The following STRA8 variants were observed in gnomAD, a reference collection of about 807,000 sequenced individuals.
STRA8 encodes stimulated by retinoic acid 8, also known as stimulated by retinoic acid gene 8 protein homolog.
In STRA8, 18 loss-of-function variants were observed where a neutral mutation model predicts 37.1. That is an observed-to-expected ratio of 0.48 (90% CI 0.34 to 0.72). STRA8 has a LOEUF of 0.72. STRA8 is among the 30% of genes least tolerant of loss of function. The pLI, the probability that STRA8 is intolerant of heterozygous loss-of-function variation, is 0.01. For synonymous variants in STRA8, 168 were observed against 162.9 expected (o/e 1.03, Z -0.24); for missense variants, 357 against 410.4 (o/e 0.87, Z 1.13).
chr7:135,233,029 A>G (rs1832316345), upstream of STRA8, among the ~76,000 whole-genome samples: 1 of 152,182 alleles, frequency 6.6e-6, no homozygotes, highest in Non-Finnish European at 1.5e-5. Flanking sequence ...GGGCCTCGCT[A>G]GTACCCCCAC....
At chr7:135,251,913 G>A in intron 7 of STRA8, 44 bp downstream of exon 7, 1 of 1,585,266 alleles carries the variant, frequency 6.3e-7, no homozygotes. Context: ...TGTGTGGGTG[G>A]ATGTGAGATT....
rs79458889 is a variant in STRA8, at chr7:135,248,219, G to T, written c.879+1517G>T. On this transcript the variant is annotated intron_variant, in intron 6 of 8. Coordinates refer to ENST00000662584, the MANE Select transcript of STRA8 (RefSeq NM_001394401.1). ...AACGACAGAGATGTCACCCATTCCT[G>T]TCCTTCCAGTTTGCAGGCCTAACCA... is the stretch of plus-strand genomic sequence containing the variant. Among the ~76,000 whole-genome samples the T allele has an allele frequency of 0.017, 2,603 of 152,308 alleles. 272 individuals carry two copies. The East Asian group carries it at 0.31, about 18-fold the overall frequency.
chr7:135,253,051 C>T, intron 7 of STRA8, among the ~76,000 whole-genome samples: 1 of 152,180 alleles, frequency 6.6e-6, no homozygotes, highest in East Asian at 1.9e-4. Context: ...TCTCCTGCCT[C>T]AGCCTGCCGA....
At chr7:135,235,671 A>T (rs1051580750) in intron 1 of STRA8, among the ~76,000 whole-genome samples, 1 of 152,130 alleles carries the variant, frequency 6.6e-6, no homozygotes, top group Admixed American at 6.5e-5. Context: ...TGAACTCCTT[A>T]CCTCAGGTGA....
chr7:135,258,424 T>C lies in STRA8; in HGVS notation c.1072T>C (p.Ser358Pro). 2 of 1,603,452 alleles carry C rather than the reference T, an allele frequency of 1.2e-6. No individual in the cohort carries two copies. Among genetic ancestry groups the C allele is most frequent in the Admixed American group, 1.7e-5 (1 of 58,786 alleles). Residue 358 changes from serine (S) to proline (P), a missense_variant, in exon 9 of 9, where the codon TCC becomes CCC. Transcript: ENST00000662584. ...CANTQVKQEA[S>P]FPVDEEMIML... is the part of the protein sequence containing the mutation. ...TCCACCCTGTGTCTTGCAGGAAGCA[T>C]CCTTTCCCGTTGATGAAGAGATGAT...
chr7:135,257,624 G>A (rs527791901), intron 8 of STRA8, among the ~76,000 whole-genome samples: 4 of 151,766 alleles, frequency 2.6e-5, no homozygotes, highest in Non-Finnish European at 4.4e-5. Context: ...ACAGCATTTC[G>A]CCATGTTGGC....
intron 2 of STRA8, among the ~76,000 whole-genome samples, chr7:135,241,786 C>T (rs1585470611): frequency 6.6e-6 from 1 of 152,166 alleles, no homozygotes; most frequent in Admixed American, 6.5e-5. Flanking sequence ...TGTCAGAGGT[C>T]AGCACCCTGA....
intron 8 of STRA8, among the ~76,000 whole-genome samples, chr7:135,255,688 A>C (rs1365046627): frequency 6.6e-6 from 1 of 152,204 alleles, no homozygotes; most frequent in Non-Finnish European, 1.5e-5. Context: ...TGATGATCTG[A>C]GGTGGAAGAG....
chr7:135,232,067 C>G (rs768549186), upstream of STRA8: 4 of 1,611,282 alleles, frequency 2.5e-6, no homozygotes, highest in South Asian at 2.2e-5. Context: ...AACTTTCCCC[C>G]CAGGACTACA....
chr7:135,253,446 GGGGAGGGGGCTCTGGGGCA>G (rs1460056920), intron 7 of STRA8, among the ~76,000 whole-genome samples: 4 of 152,126 alleles, frequency 2.6e-5, no homozygotes, highest in Non-Finnish European at 4.4e-5. Context: ...AGGAGAAGGC[GGGGAGGGGGCTCTGGGGCA>G]CAGAGAATAA....
intron 2 of STRA8, among the ~76,000 whole-genome samples, chr7:135,241,312 A>G (rs556123511): frequency 6.6e-6 from 1 of 152,258 alleles, no homozygotes; most frequent in South Asian, 2.1e-4. Flanking sequence ...AATCCACTGT[A>G]TCATCATGCA....
chr7:135,248,196 C>T (rs1166893908), intron 6 of STRA8, among the ~76,000 whole-genome samples: 8 of 152,234 alleles, frequency 5.3e-5, no homozygotes, highest in African/African-American at 9.6e-5. Flanking sequence ...GCCTGGAGAA[C>T]GACAGAGATG....
At chr7:135,238,068 T>C (rs1011757494) in intron 1 of STRA8, among the ~76,000 whole-genome samples, 5 of 152,142 alleles carry the variant, frequency 3.3e-5, no homozygotes, top group Admixed American at 2.0e-4. Context: ...AGGCAGGATC[T>C]AGAGGGAAGA....
intron 1 of STRA8, among the ~76,000 whole-genome samples, chr7:135,237,576 G>A (rs955814234): frequency 4.6e-5 from 7 of 152,148 alleles, no homozygotes; most frequent in Admixed American, 2.6e-4. Flanking sequence ...TGACGGGACA[G>A]ACCCAAGTGT....
intron 4 of STRA8, 70 bp from the exon 5 acceptor site, chr7:135,245,218 T>G: frequency 1.3e-6 from 1 of 777,924 alleles, no homozygotes; most frequent in East Asian, 2.4e-5. Flanking sequence ...CTAAAGTTGC[T>G]AAGAATTTCT....
intron 7 of STRA8, among the ~76,000 whole-genome samples, chr7:135,254,486 G>C (rs1024831365): frequency 1.3e-5 from 2 of 152,172 alleles, no homozygotes; most frequent in Admixed American, 1.3e-4. Context: ...AATGTTGCAC[G>C]AGCCCCTGCC....
chr7:135,232,693 T>C (rs780685867), upstream of STRA8, among the ~76,000 whole-genome samples: 21 of 152,144 alleles, frequency 1.4e-4, no homozygotes, highest in Non-Finnish European at 2.5e-4. Flanking sequence ...TGTTTTTATG[T>C]GACGGTTTCT....
Position 135,246,325 on chromosome 7 carries a change from G to T in STRA8, c.594-92G>T. ...TGGTGAGCCGTGGCGCCGTGGCCGG[G>T]CCTGCGTGCTGGGGTCCACACCATG... On this transcript the variant is annotated intron_variant, in intron 5 of 8. Coordinates refer to ENST00000662584, the MANE Select transcript of STRA8 (RefSeq NM_001394401.1). This position sits in a 1 kb window ranked among gnomAD's most constrained non-coding sequence, Gnocchi z 5.4. The T allele has an allele frequency of 1.3e-6, 2 of 1,519,116 alleles. No individual in the cohort carries two copies. Among genetic ancestry groups the T allele is most frequent in the Non-Finnish European group, 1.8e-6 (2 of 1,119,928 alleles). 94.1% of individuals were successfully genotyped at this position (1,519,116 alleles called of 1,614,324 possible).
chr7:135,250,491 C>T (rs1015632407), intron 6 of STRA8, among the ~76,000 whole-genome samples: 13 of 152,038 alleles, frequency 8.6e-5, no homozygotes, highest in African/African-American at 1.2e-4. Flanking sequence ...AGAAAATGTC[C>T]GGAAAACTAA....
Sources: allele counts gnomAD v4.1 joint callset (sites outside exome capture counted in the v4.1 genomes callset), GRCh38; gene constraint gnomAD v4.1.1; non-coding constraint Gnocchi (gnomAD v3.1); transcripts MANE v1.5; gene names NCBI Gene and HGNC (gene_info 2026-07-23, HGNC 2026-07-21).